The following LRTM1 variants were observed in gnomAD, a reference collection of about 807,000 sequenced individuals.
LRTM1 encodes the protein leucine rich repeat transmembrane protein 1, also known as leucine-rich repeat and transmembrane domain-containing protein 1.
A neutral mutation model predicts 32.4 loss-of-function variants in LRTM1; 38 were observed. The ratio of observed to expected loss-of-function variants is 1.17; its 90% CI spans 0.91 to 1.54. The LOEUF (loss-of-function observed/expected upper bound fraction) is 1.54, where lower values mean the gene tolerates loss of function less well. LRTM1 is among the 40% of genes most tolerant of loss of function. The pLI, the probability that LRTM1 is intolerant of heterozygous loss-of-function variation, is 0.00. For missense variants in LRTM1, 466 were observed against 415.4 expected (o/e 1.12, Z -1.06); for synonymous variants, 186 against 169.9 (o/e 1.09, Z -0.74).
chr3:54,925,675 T>C (rs1038380814), intron 1 of LRTM1, among the ~76,000 whole-genome samples: 31 of 152,216 alleles, frequency 2.0e-4, no homozygotes, highest in Admixed American at 2.6e-4. Flanking sequence ...GATAGAAGTG[T>C]CCTACATCTG....
chr3:54,962,648 T>C (rs1389873496), intron 1 of LRTM1, among the ~76,000 whole-genome samples: 2 of 152,160 alleles, frequency 1.3e-5, no homozygotes, highest in African/African-American at 4.8e-5. Flanking sequence ...ACAGCAGTGG[T>C]CTTAAAACGG....
At chr3:54,958,296 G>C (rs1193609848) in intron 1 of LRTM1, among the ~76,000 whole-genome samples, 1 of 152,256 alleles carries the variant, frequency 6.6e-6, no homozygotes, top group African/African-American at 2.4e-5. Context: ...AGGAGGCTGA[G>C]GCAGGAGGAC....
chr3:54,933,432 C>G (rs1701255185), intron 1 of LRTM1, among the ~76,000 whole-genome samples: 1 of 152,182 alleles, frequency 6.6e-6, no homozygotes, highest in Non-Finnish European at 1.5e-5. Context: ...CTCTTCTTGG[C>G]TCTCAGAGCC....
At position 54,918,896 on chromosome 3, in the gene LRTM1, T is replaced by TA; in HGVS notation, c.605-5dup. The stretch of plus-strand genomic sequence containing the variant: ...ATGATGCCGTCTGTTAGTCCCCCTT[T>TA]AAAAAACAAAAGCAAAGAACAATAA... On this transcript the variant is annotated splice_region_variant and splice_polypyrimidine_tract_variant and intron_variant, in intron 2 of 2. Coordinates refer to ENST00000273286, the MANE Select transcript of LRTM1 (RefSeq NM_020678.4). The TA allele has an allele frequency of 4.6e-6, 7 of 1,517,536 alleles. No homozygotes were observed. Among genetic ancestry groups the TA allele is most frequent in the East Asian group, 2.3e-5 (1 of 43,850 alleles). 94.0% of individuals were successfully genotyped at this position (1,517,536 alleles called of 1,614,324 possible).
At chr3:54,936,345 C>T (rs542656644) in intron 1 of LRTM1, among the ~76,000 whole-genome samples, 64 of 152,272 alleles carry the variant, frequency 4.2e-4, no homozygotes, top group African/African-American at 1.5e-3. Flanking sequence ...CCCATCTTTT[C>T]GTATTATAAA....
At chr3:54,926,089 A>C (rs183530058) in intron 1 of LRTM1, among the ~76,000 whole-genome samples, 31 of 152,224 alleles carry the variant, frequency 2.0e-4, no homozygotes, top group Admixed American at 3.3e-4. Context: ...ACTTTGATTC[A>C]TGCCCAATTT....
chr3:54,922,825 C>G (rs1700893099), intron 2 of LRTM1, among the ~76,000 whole-genome samples: 1 of 152,146 alleles, frequency 6.6e-6, no homozygotes, highest in Non-Finnish European at 1.5e-5. Flanking sequence ...ACTCACTCCC[C>G]CCAGTCCCCT....
intron 1 of LRTM1, among the ~76,000 whole-genome samples, chr3:54,957,154 T>G (rs12635080): frequency 0.68 from 101,996 of 149,596 alleles, 34,614 homozygotes; most frequent in Middle Eastern, 0.84. Flanking sequence ...AATCAAGTTA[T>G]AAAATAATTT....
At chr3:54,929,664 C>T (rs749243714), upstream of LRTM1, among the ~76,000 whole-genome samples, 1 of 152,110 alleles carries the variant, frequency 6.6e-6, no homozygotes, top group Non-Finnish European at 1.5e-5. Flanking sequence ...ATACAATGGG[C>T]AAAAGTCAGG....
chr3:54,952,014 A>G (rs907527622), intron 1 of LRTM1, among the ~76,000 whole-genome samples: 1 of 151,958 alleles, frequency 6.6e-6, no homozygotes, highest in South Asian at 2.1e-4. Flanking sequence ...ATACCTGGCT[A>G]ATTTTTGTCT....
At chr3:54,925,534 A>G (rs1700989717) in intron 1 of LRTM1, among the ~76,000 whole-genome samples, 1 of 152,222 alleles carries the variant, frequency 6.6e-6, no homozygotes, top group Non-Finnish European at 1.5e-5. Context: ...TTTGGGGTGT[A>G]TATGCCGTTT....
chr3:54,947,727 A>G (rs1559641251), intron 1 of LRTM1, among the ~76,000 whole-genome samples: 1 of 152,156 alleles, frequency 6.6e-6, no homozygotes, highest in African/African-American at 2.4e-5. Flanking sequence ...TGGGAACAGA[A>G]GTTACCCTAT....
Position 54,918,294 on chromosome 3 carries a change from C to G in LRTM1, c.*165G>C. ...TTTAAAAATCGCAACATAAATTCCT[C>G]CCCAGAAATATTTTTTACAGACACA... On this transcript the variant is annotated 3_prime_UTR_variant, in exon 3 of 3. Transcript: ENST00000273286. 1 of 696,580 alleles carries G rather than the reference C, an allele frequency of 1.4e-6. No homozygotes were observed. The highest frequency in any genetic ancestry group is 2.4e-6 in the Non-Finnish European group (1 of 423,288). The allele number at this position is 696,580 out of a possible 1,614,324, so 43.1% of individuals were successfully genotyped here.
chr3:54,965,449 A>G (rs2107059648), intron 1 of LRTM1, among the ~76,000 whole-genome samples: 1 of 152,186 alleles, frequency 6.6e-6, no homozygotes, highest in South Asian at 2.1e-4. Flanking sequence ...TGGGCTCTCC[A>G]TGCCTCACCT....
At position 54,918,608 on chromosome 3, in the gene LRTM1, C is replaced by T. The variant is rs867274375; in HGVS notation, c.889G>A (p.Gly297Arg). The change falls in exon 3 of 3, where the codon GGG becomes AGG. Residue 297 changes from glycine (G) to arginine (R), a missense_variant. Gly to Arg is a moderately radical substitution (Grantham distance 125, BLOSUM62 -2). Transcript: ENST00000273286. ...ATVIITGVVC[G>R]IVCLMMLAAA... ...GCCAACATCATGAGACACACAATCCCACACACAACGCCAGTGATGATGACA... is the reference window on the plus strand; with the variant it reads ...GCCAACATCATGAGACACACAATCCTACACACAACGCCAGTGATGATGACA... 1 of 1,614,148 alleles carries T rather than the reference C, an allele frequency of 6.2e-7. No individual in the cohort carries two copies. Among genetic ancestry groups the T allele is most frequent in the Non-Finnish European group, 8.5e-7 (1 of 1,180,020 alleles).
At chr3:54,949,395 G>C (rs1032441695) in intron 1 of LRTM1, among the ~76,000 whole-genome samples, 7 of 152,160 alleles carry the variant, frequency 4.6e-5, no homozygotes, top group African/African-American at 1.7e-4. Context: ...AGTAACAGCT[G>C]TCTATTATTC....
chr3:54,936,163 CAA>C (rs539489771), intron 1 of LRTM1, among the ~76,000 whole-genome samples: 11 of 127,950 alleles, frequency 8.6e-5, no homozygotes, highest in African/African-American at 2.2e-4. Context: ...AGAATCATAG[CAA>C]AAAAAAAAAA....
chr3:54,963,532 TTAAA>T (rs1036100778), intron 1 of LRTM1, among the ~76,000 whole-genome samples: 11 of 152,220 alleles, frequency 7.2e-5, no homozygotes, highest in Non-Finnish European at 1.5e-4. Flanking sequence ...TAATTTTTAT[TTAAA>T]TAGCCACATG....
chr3:54,947,669 C>A (rs961129864), intron 1 of LRTM1, among the ~76,000 whole-genome samples: 6 of 152,074 alleles, frequency 3.9e-5, no homozygotes, highest in Non-Finnish European at 5.9e-5. Context: ...TCTGGCTATA[C>A]CCCATGAAAA....
Sources: allele counts gnomAD v4.1 joint callset (sites outside exome capture counted in the v4.1 genomes callset), GRCh38; gene constraint gnomAD v4.1.1; transcripts MANE v1.5; gene names NCBI Gene and HGNC (gene_info 2026-07-23, HGNC 2026-07-21).